Variants in TMEM161A observed in about 807,000 individuals in gnomAD.
The protein encoded by TMEM161A is transmembrane protein 161A.
TMEM161A carries 46 observed loss-of-function variants against 57.1 expected under a neutral mutation model. The ratio of observed to expected loss-of-function variants is 0.81; its 90% CI spans 0.64 to 1.03. TMEM161A has a LOEUF of 1.03. Ranked by LOEUF, TMEM161A falls within the 50% of genes least tolerant of loss-of-function variation. TMEM161A has a pLI of 0.00. For missense variants in TMEM161A, 601 were observed against 621.5 expected (o/e 0.97, Z 0.35); for synonymous variants, 288 against 279.0 (o/e 1.03, Z -0.32).
intron 2 of TMEM161A, among the ~76,000 whole-genome samples, chr19:19,134,056 G>T (rs1599711267): frequency 6.8e-6 from 1 of 147,278 alleles, no homozygotes; most frequent in Non-Finnish European, 1.5e-5. Context: ...TCTCTGACGT[G>T]TTTTTTTTTT....
In TMEM161A at chr19:19,119,966, G is replaced by C; in HGVS notation, c.1404C>G (p.Phe468Leu). The change falls in exon 12 of 12, where the codon TTC (phenylalanine) becomes TTG (leucine). Residue 468 changes from phenylalanine (F) to leucine (L), a missense_variant. By Grantham distance (22) the Phe-to-Leu change is conservative. Coordinates refer to ENST00000162044, the MANE Select transcript of TMEM161A (RefSeq NM_017814.3). ...CCAAGTGCTGGTGGAAGTAGAGGCC[G>C]AAAAGGCTGGCGAGCAGCTGGCAGG... ...TAACQLLASLFGLYFHQHLAG... is the reference protein window; with the variant it reads ...TAACQLLASLLGLYFHQHLAG... 1 of 1,564,924 alleles carries C rather than the reference G, an allele frequency of 6.4e-7. No individual in the cohort carries two copies. Among genetic ancestry groups the C allele is most frequent in the Middle Eastern group, 2.1e-4 (1 of 4,778 alleles).
chr19:19,132,640 T>C lies in TMEM161A; in HGVS notation c.286+17A>G. 6.4e-7 allele frequency: 1 copy of C among 1,556,418 alleles called. No homozygotes were observed. The highest frequency in any genetic ancestry group is 8.7e-7 in the Non-Finnish European group (1 of 1,150,008). Reference sequence around the variant, plus strand: ...GGGCTGAGGGAGTAGAGTTTAGGGATGGGACTGGGCTATTACCCAGGGCAT... The same window carrying C: ...GGGCTGAGGGAGTAGAGTTTAGGGACGGGACTGGGCTATTACCCAGGGCAT... On this transcript the variant is annotated intron_variant, in intron 4 of 11. Coordinates refer to ENST00000162044, the MANE Select transcript of TMEM161A (RefSeq NM_017814.3). The surrounding 1 kb of genome is among the most constrained non-coding windows in gnomAD (Gnocchi z 4.3).
rs762832988 is a variant in TMEM161A, at chr19:19,130,138, G to GAGC, written c.595+17_595+18insGCT. On this transcript the variant is annotated intron_variant, in intron 6 of 11. Transcript: ENST00000162044. ...GGAGTGACAGCTGCGGTGGCCCCAC[G>GAGC]TTGGGGGCTGCACTTACCAGGCTCC... The GAGC allele has an allele frequency of 6.2e-7, 1 of 1,611,618 alleles. No individual in the cohort carries two copies. Among genetic ancestry groups the GAGC allele is most frequent in the Non-Finnish European group, 8.5e-7 (1 of 1,179,856 alleles).
chr19:19,121,050 C>T lies in TMEM161A; in HGVS notation c.1031G>A (p.Arg344Gln). The T allele has an allele frequency of 6.2e-7, 1 of 1,611,772 alleles. No individual in the cohort carries two copies. The highest frequency in any genetic ancestry group is 8.5e-7 in the Non-Finnish European group (1 of 1,179,368). Residue 344 changes from arginine to glutamine, a missense_variant, in exon 10 of 12, where the codon CGG becomes CAG. Transcript: ENST00000162044. This position sits in a 1 kb window ranked among gnomAD's most constrained non-coding sequence, Gnocchi z 5.8. ...LQAYLCLAKA[R>Q]VEQLRREAGR... is the part of the protein sequence containing the mutation. The stretch of plus-strand genomic sequence containing the variant: ...AGCCTCCCTTCGCAGCTGCTCCACC[C>T]GGGCCTTGGCCAGGCACAGGTAGGC...
Position 19,132,515 on chromosome 19 carries a change from G to T in TMEM161A, c.287-7C>A. 6.2e-7 allele frequency: 1 copy of T among 1,612,534 alleles called. No individual in the cohort carries two copies. Among genetic ancestry groups the T allele is most frequent in the Non-Finnish European group, 8.5e-7 (1 of 1,179,088 alleles). ...TCCAGGAAGAAGCGCAGGACTGTGG[G>T]GGGCACTCTGCTCAGCCCTGGGGCC... is the stretch of plus-strand genomic sequence containing the variant. On this transcript the variant is annotated splice_region_variant and splice_polypyrimidine_tract_variant and intron_variant, in intron 4 of 11. Transcript: ENST00000162044. The surrounding 1 kb of genome is among the most constrained non-coding windows in gnomAD (Gnocchi z 4.3).
intron 6 of TMEM161A, among the ~76,000 whole-genome samples, chr19:19,126,925 T>C (rs904989989): frequency 6.6e-6 from 1 of 151,972 alleles, no homozygotes; most frequent in Non-Finnish European, 1.5e-5. Context: ...TGGGAGCCTG[T>C]AGTCCCAGCT....
chr19:19,127,729 AG>A (rs1385609415), intron 6 of TMEM161A, among the ~76,000 whole-genome samples: 10 of 151,610 alleles, frequency 6.6e-5, no homozygotes, highest in African/African-American at 2.2e-4. Context: ...CAGGAGTTTG[AG>A]ACCAGCCTGA....
intron 1 of TMEM161A, among the ~76,000 whole-genome samples, chr19:19,136,933 A>T (rs2059987376): frequency 1.5e-5 from 2 of 135,786 alleles, no homozygotes; most frequent in South Asian, 5.3e-4. Flanking sequence ...TTCCCCTAGG[A>T]CCCTGCCCTC....
At chr19:19,123,890 G>A (rs923021106) in intron 6 of TMEM161A, among the ~76,000 whole-genome samples, 3 of 151,856 alleles carry the variant, frequency 2.0e-5, no homozygotes, top group African/African-American at 2.4e-5. Context: ...TGAAACCCTG[G>A]CTCTACTAAA....
At chr19:19,126,534 G>A (rs1014997672) in intron 6 of TMEM161A, among the ~76,000 whole-genome samples, 1 of 152,100 alleles carries the variant, frequency 6.6e-6, no homozygotes, top group African/African-American at 2.4e-5. Context: ...AGACTAGCCT[G>A]GGCAACATGG....
intron 1 of TMEM161A, among the ~76,000 whole-genome samples, chr19:19,136,815 C>A (rs1470884621): frequency 6.6e-6 from 1 of 152,034 alleles, no homozygotes; most frequent in Non-Finnish European, 1.5e-5. Context: ...TCATTGCTCG[C>A]CCTCCCCGGG....
In TMEM161A at chr19:19,134,890, G is replaced by A. The variant is rs77434385; in HGVS notation, c.4-3C>T. On this transcript the variant is annotated splice_region_variant and splice_polypyrimidine_tract_variant and intron_variant, in intron 1 of 11. Transcript: ENST00000162044. ...ACCAGCTGTACTCCGAGGACCGCCT[G>A]GGGGGAGGGGACATGACTGGCAGCA... is the stretch of plus-strand genomic sequence containing the variant. The A allele has an allele frequency of 2.9e-3, 4,567 of 1,575,246 alleles. 122 individuals carry two copies. In the African/African-American group the frequency reaches 0.055, roughly 19 times the overall value.
intron 11 of TMEM161A, among the ~76,000 whole-genome samples, 186 bp downstream of exon 11, chr19:19,120,579 C>G (rs1322865666): frequency 6.6e-6 from 1 of 151,920 alleles, no homozygotes; most frequent in African/African-American, 2.4e-5. Context: ...CCAGGCTCCA[C>G]TTCCTGTCCA....
intron 6 of TMEM161A, among the ~76,000 whole-genome samples, chr19:19,123,194 G>A (rs1220016592): frequency 6.6e-6 from 1 of 152,148 alleles, no homozygotes; most frequent in Non-Finnish European, 1.5e-5. Flanking sequence ...AAGGAAGACA[G>A]AACAGAGAGC....
intron 11 of TMEM161A, 70 bp from the exon 12 acceptor site, chr19:19,120,253 G>C: frequency 3.8e-6 from 5 of 1,302,118 alleles, no homozygotes; most frequent in Non-Finnish European, 5.2e-6. Context: ...GGGCTGGCAC[G>C]GGGGGCCAGG....
rs544592739 is a variant in TMEM161A at position 19,127,948 on chromosome 19, A to G, written c.595+2208T>C. Among the ~76,000 whole-genome samples the G allele has an allele frequency of 2.0e-5, 3 of 151,742 alleles. No homozygotes were observed. In the East Asian group the frequency reaches 5.9e-4, roughly 30 times the overall value. On this transcript the variant is annotated intron_variant, in intron 6 of 11. Coordinates refer to ENST00000162044, the MANE Select transcript of TMEM161A (RefSeq NM_017814.3). ...GAGTGAGATCCTGTCTCAAAAAAAGAAAAAAAAATTCTAACACCTGCTACA... is the reference window on the plus strand; with the variant it reads ...GAGTGAGATCCTGTCTCAAAAAAAGGAAAAAAAATTCTAACACCTGCTACA...
rs1398961559 is a variant in TMEM161A, at chr19:19,132,325, C to G, written c.443+27G>C. The G allele has an allele frequency of 1.3e-6, 2 of 1,596,764 alleles. No homozygotes were observed. The highest frequency in any genetic ancestry group is 1.3e-5 in the African/African-American group (1 of 74,600). ...TCAGGTCCTGCTCCCACCCGCCCCA[C>G]TGGCAGGGAGCAGAGAGGAAGGATA... is the stretch of plus-strand genomic sequence containing the variant. On this transcript the variant is annotated intron_variant, in intron 5 of 11. Transcript: ENST00000162044. This position sits in a 1 kb window ranked among gnomAD's most constrained non-coding sequence, Gnocchi z 4.3.
intron 6 of TMEM161A, 62 bp downstream of exon 6, chr19:19,130,094 C>T (rs1426386176): frequency 9.4e-6 from 15 of 1,595,402 alleles, no homozygotes. Flanking sequence ...GTTAAACCAT[C>T]TTGGTCAGAT....
intron 6 of TMEM161A, among the ~76,000 whole-genome samples, chr19:19,125,738 G>A (rs2059927828): frequency 2.0e-5 from 3 of 151,780 alleles, no homozygotes; most frequent in South Asian, 4.2e-4. Flanking sequence ...GGATGGTCTC[G>A]ATCTGCCGAC....
Sources: gnomAD v4.1 joint callset for allele counts (sites outside exome capture counted in the v4.1 genomes callset) on GRCh38, gnomAD v4.1.1 for gene constraint, Gnocchi (gnomAD v3.1) non-coding constraint, MANE v1.5 for transcripts, NCBI Gene and HGNC (gene_info 2026-07-23, HGNC 2026-07-21) for gene names.